PLCD4: variants seen among roughly 807,000 people sequenced by gnomAD.
The protein encoded by PLCD4 is phospholipase C delta 4.
PLCD4 carries 63 observed loss-of-function variants against 90.2 expected under a neutral mutation model. The ratio of observed to expected loss-of-function variants is 0.70; its 90% CI spans 0.57 to 0.86. The LOEUF is 0.86. PLCD4 is among the 40% of genes least tolerant of loss of function. The pLI is 0.00. For missense variants in PLCD4, 830 were observed against 956.3 expected, an observed-to-expected ratio of 0.87 and a Z score of 1.74; for synonymous variants, 294 against 356.5, an observed-to-expected ratio of 0.82 and a Z score of 1.97.
intron 6 of PLCD4, among the ~76,000 whole-genome samples, chr2:218,625,645 A>G (rs980379182): frequency 1.3e-5 from 2 of 152,210 alleles, no homozygotes; most frequent in African/African-American, 4.8e-5. Flanking sequence ...CAAGAATGAA[A>G]CTTTCTGGCC....
chr2:218,631,989 G>GTTTT, intron 9 of PLCD4, 147 bp from the exon 10 acceptor site: 1 of 737,990 alleles, frequency 1.4e-6, no homozygotes, highest in Non-Finnish European at 2.2e-6. Context: ...AATTCCAATT[G>GTTTT]TATGTATCAA....
In PLCD4 at chr2:218,622,879, G is replaced by GT; in HGVS notation, c.772+2dup. On this transcript the variant is annotated splice_donor_variant, in intron 6 of 15. Transcript: ENST00000450993. LOFTEE classifies it high-confidence loss of function. ...GACCGCTATGAACCTTCAGACAGTG[G>GT]TAAGAGAAATCAGGTGGAGAGGCAC... 1 of 1,612,204 alleles carries GT rather than the reference G, an allele frequency of 6.2e-7. No individual in the cohort carries two copies. The highest frequency in any genetic ancestry group is 8.5e-7 in the Non-Finnish European group (1 of 1,178,840).
intron 1 of PLCD4, among the ~76,000 whole-genome samples, chr2:218,611,295 G>T (rs1335767136): frequency 1.3e-5 from 2 of 152,134 alleles, no homozygotes; most frequent in African/African-American, 4.8e-5. Context: ...TTGGACAAAG[G>T]AGGAAAAAAT....
In PLCD4 at chr2:218,625,418, C is replaced by G. The variant is rs543099586; in HGVS notation, c.772+2540C>G. On this transcript the variant is annotated intron_variant, in intron 6 of 15. Coordinates refer to ENST00000450993, the MANE Select transcript of PLCD4 (RefSeq NM_032726.4). ...CCTCTTGGTGTTTCCTTCCCTTGAA[C>G]TTGACAATCAGATACTTTATCTGGC... Among the ~76,000 whole-genome samples the G allele has an allele frequency of 7.2e-5, 11 of 152,280 alleles. No homozygotes were observed. The South Asian group carries it at 2.3e-3, about 32-fold the overall frequency.
chr2:218,636,893 T>C lies in PLCD4; in HGVS notation c.*316T>C, dbSNP rs1696793637. ...CCATACCGACATCTACAACTAATCT[T>C]TCCCATCAACTCTGTGTGAAGGCAG... On this transcript the variant is annotated 3_prime_UTR_variant, in exon 16 of 16. Coordinates refer to ENST00000450993, the MANE Select transcript of PLCD4 (RefSeq NM_032726.4). The C allele has an allele frequency of 2.1e-6, 1 of 476,468 alleles. No individual in the cohort carries two copies. The highest frequency in any genetic ancestry group is 4.2e-6 in the Non-Finnish European group (1 of 240,910). 29.5% of individuals were successfully genotyped at this position (476,468 alleles called of 1,614,324 possible).
chr2:218,633,702 A>G lies in PLCD4; in HGVS notation c.1547A>G (p.His516Arg). The G allele has an allele frequency of 1.2e-6, 2 of 1,613,960 alleles. No individual in the cohort carries two copies. Among genetic ancestry groups the G allele is most frequent in the Non-Finnish European group, 1.7e-6 (2 of 1,179,884 alleles). The change falls in exon 11 of 16, where the codon CAC becomes CGC. Residue 516 changes from histidine (H) to arginine (R), a missense_variant. Coordinates refer to ENST00000450993, the MANE Select transcript of PLCD4 (RefSeq NM_032726.4). Reference sequence around the variant, plus strand: ...TTCACACATTCAAAGGAGCACTACCACTTCTACGAGATATCATCTTTCTCT... The same window carrying G: ...TTCACACATTCAAAGGAGCACTACCGCTTCTACGAGATATCATCTTTCTCT... ...RSFTHSKEHY[H>R]FYEISSFSET...
chr2:218,618,114 A>C (rs1006489429), intron 3 of PLCD4, among the ~76,000 whole-genome samples: 2 of 151,994 alleles, frequency 1.3e-5, no homozygotes, highest in African/African-American at 4.8e-5. Context: ...ACAAACAAAC[A>C]AACAAACCTG....
intron 1 of PLCD4, among the ~76,000 whole-genome samples, chr2:218,610,924 C>T (rs1695305276): frequency 1.3e-5 from 2 of 152,144 alleles, no homozygotes; most frequent in African/African-American, 4.8e-5. Flanking sequence ...GAAGGGGTTT[C>T]ACCATGTCGG....
chr2:218,636,740 T>A lies in PLCD4; in HGVS notation c.*163T>A. On this transcript the variant is annotated 3_prime_UTR_variant, in exon 16 of 16. Coordinates refer to ENST00000450993, the MANE Select transcript of PLCD4 (RefSeq NM_032726.4). ...TCTTCCTAACAAGCAATCTGGGACC[T>A]GATTTTCCACCTTTTTTCTCTTTTC... 1 of 750,910 alleles carries A rather than the reference T, an allele frequency of 1.3e-6. No individual in the cohort carries two copies. Among genetic ancestry groups the A allele is most frequent in the Non-Finnish European group, 2.2e-6 (1 of 448,736 alleles). The allele number at this position is 750,910 out of a possible 1,614,324, so 46.5% of individuals were successfully genotyped here.
At chr2:218,612,197 C>A (rs1421623764) in intron 1 of PLCD4, among the ~76,000 whole-genome samples, 2 of 152,152 alleles carry the variant, frequency 1.3e-5, no homozygotes, top group Non-Finnish European at 2.9e-5. Flanking sequence ...CATGAGCCAC[C>A]GCCTTCGGCC....
At chr2:218,635,773 A>G (rs1173665156) in intron 13 of PLCD4, 23 bp from the exon 14 acceptor site, 1 of 1,606,694 alleles carries the variant, frequency 6.2e-7, no homozygotes, top group Admixed American at 1.7e-5. Context: ...GGAACTTGTG[A>G]GATTCCAGAG....
chr2:218,627,963 C>A, intron 6 of PLCD4, 66 bp from the exon 7 acceptor site: 2 of 1,415,514 alleles, frequency 1.4e-6, no homozygotes, highest in South Asian at 1.3e-5. Context: ...GAAGGATGGA[C>A]TGTAGGTGTG....
intron 1 of PLCD4, among the ~76,000 whole-genome samples, chr2:218,614,155 G>T (rs190856612): frequency 4.6e-5 from 7 of 151,900 alleles, no homozygotes; most frequent in Admixed American, 3.3e-4. Context: ...GAGTAGCTGG[G>T]ATTACAGGTG....
At chr2:218,608,598 T>C (rs1047093261) in intron 1 of PLCD4, among the ~76,000 whole-genome samples, 8 of 152,208 alleles carry the variant, frequency 5.3e-5, no homozygotes, top group African/African-American at 1.9e-4. Flanking sequence ...AACCTACTTC[T>C]AGTTCTGCCT....
intron 1 of PLCD4, among the ~76,000 whole-genome samples, chr2:218,613,408 A>G (rs2106118608): frequency 6.6e-6 from 1 of 151,950 alleles, no homozygotes; most frequent in South Asian, 2.1e-4. Flanking sequence ...AAAAAAAAAA[A>G]AAAAAGCACA....
chr2:218,628,122 A>T lies in PLCD4; in HGVS notation c.866A>T (p.Tyr289Phe), dbSNP rs1248711289. The T allele has an allele frequency of 6.2e-7, 1 of 1,613,928 alleles. No homozygotes were observed. Among genetic ancestry groups the T allele is most frequent in the African/African-American group, 1.3e-5 (1 of 75,048 alleles). ...TTCAACCCAGCCTGCCTCCCCATCT[A>T]TCAGGATATGACTCAACCCCTGAAC... ...DIFNPACLPIYQDMTQPLNHY... is the reference protein window; with the variant it reads ...DIFNPACLPIFQDMTQPLNHY... Residue 289 changes from tyrosine to phenylalanine, a missense_variant, in exon 7 of 16, where the codon TAT becomes TTT. By Grantham distance (22) the Tyr-to-Phe change is conservative. Coordinates refer to ENST00000450993, the MANE Select transcript of PLCD4 (RefSeq NM_032726.4).
rs1696208290 is a variant in PLCD4 at position 218,628,384 on chromosome 2, G to C, written c.974+154G>C. On this transcript the variant is annotated intron_variant, in intron 7 of 15. Transcript: ENST00000450993. ...AGAGACACTTGGAGGAGATATTGAAGACTGGTGGGAGAATGGTAATGAAAC... is the reference window on the plus strand; with the variant it reads ...AGAGACACTTGGAGGAGATATTGAACACTGGTGGGAGAATGGTAATGAAAC... 3 of 676,326 alleles carry C rather than the reference G, an allele frequency of 4.4e-6. No individual in the cohort carries two copies. The Admixed American group carries it at 8.3e-5, about 19-fold the overall frequency. 41.9% of individuals were successfully genotyped at this position (676,326 alleles called of 1,614,324 possible).
At position 218,634,113 on chromosome 2, in the gene PLCD4, T is replaced by A. The variant is rs776112869; in HGVS notation, c.1615T>A (p.Phe539Ile). ...KRLIKEAGNE[F>I]VQHNTWQLSR... is the part of the protein sequence containing the mutation. ...TCTATACCCTTTTACAGGCAATGAG[T>A]TTGTGCAGCACAATACTTGGCAGTT... Residue 539 changes from phenylalanine to isoleucine, a missense_variant, in exon 12 of 16, where the codon TTT becomes ATT. Phe to Ile is a conservative substitution (Grantham distance 21, BLOSUM62 0). Coordinates refer to ENST00000450993, the MANE Select transcript of PLCD4 (RefSeq NM_032726.4). This position sits in a 1 kb window ranked among gnomAD's most constrained non-coding sequence, Gnocchi z 4.0. 2 of 1,609,784 alleles carry A rather than the reference T, an allele frequency of 1.2e-6. No individual in the cohort carries two copies. Among genetic ancestry groups the A allele is most frequent in the South Asian group, 2.2e-5 (2 of 90,134 alleles).
At chr2:218,614,809 G>A (rs1463199430) in intron 1 of PLCD4, among the ~76,000 whole-genome samples, 2 of 152,072 alleles carry the variant, frequency 1.3e-5, no homozygotes, top group Non-Finnish European at 2.9e-5. Flanking sequence ...ATTTGAAAAT[G>A]TAGTTCTGAG....
Sources: gnomAD v4.1 joint callset for allele counts (sites outside exome capture counted in the v4.1 genomes callset) on GRCh38, gnomAD v4.1.1 for gene constraint, Gnocchi (gnomAD v3.1) non-coding constraint, MANE v1.5 for transcripts, NCBI Gene and HGNC (gene_info 2026-07-23, HGNC 2026-07-21) for gene names.